The following PTPRO variants were observed in gnomAD, a reference collection of about 807,000 sequenced individuals.
The protein encoded by PTPRO is receptor-type tyrosine-protein phosphatase O.
In PTPRO, 62 loss-of-function variants were observed where a neutral mutation model predicts 145.2. That is an observed-to-expected ratio of 0.43 (90% CI 0.35 to 0.53). The LOEUF (loss-of-function observed/expected upper bound fraction) is 0.53. PTPRO is among the 20% of genes least tolerant of loss of function. PTPRO has a pLI of 0.01. For synonymous variants in PTPRO, 565 were observed against 514.7 expected (o/e 1.10, Z -1.32); for missense variants, 1,345 against 1,482.7 (o/e 0.91, Z 1.53).
At chr12:15,420,524 C>T (rs901100795) in intron 1 of PTPRO, among the ~76,000 whole-genome samples, 3 of 151,710 alleles carry the variant, frequency 2.0e-5, no homozygotes, top group African/African-American at 7.3e-5. Context: ...TCCCGTCTTA[C>T]CACATTTCCT....
chr12:15,452,512 A>G (rs963390313), intron 1 of PTPRO, among the ~76,000 whole-genome samples: 4 of 152,184 alleles, frequency 2.6e-5, no homozygotes, highest in Non-Finnish European at 5.9e-5. Flanking sequence ...GCATCACCCT[A>G]ATACCAAAAC....
chr12:15,407,440 C>T (rs890670960), intron 1 of PTPRO, among the ~76,000 whole-genome samples: 1 of 152,040 alleles, frequency 6.6e-6, no homozygotes, highest in Non-Finnish European at 1.5e-5. Context: ...ATTCTGAAGA[C>T]ACTTCAAAAT....
intron 7 of PTPRO, among the ~76,000 whole-genome samples, chr12:15,512,833 G>C (rs779326039): frequency 3.3e-5 from 5 of 151,716 alleles, no homozygotes; most frequent in Non-Finnish European, 7.4e-5. Flanking sequence ...GTCTCTACTA[G>C]AAACACAAAA....
chr12:15,553,633 T>G (rs1265594498), intron 15 of PTPRO, among the ~76,000 whole-genome samples: 1 of 152,176 alleles, frequency 6.6e-6, no homozygotes, highest in Non-Finnish European at 1.5e-5. Context: ...ACTTTGGCTT[T>G]TACTCAGTAA....
At position 15,418,534 on chromosome 12, in the gene PTPRO, A is replaced by G. The variant is rs924267774; in HGVS notation, c.76-65440A>G. Among the ~76,000 whole-genome samples, 2 of 151,860 alleles carry G rather than the reference A, an allele frequency of 1.3e-5. 1 individual carries two copies. Among genetic ancestry groups the G allele is most frequent in the African/African-American group, 4.9e-5 (2 of 41,076 alleles). On this transcript the variant is annotated intron_variant, in intron 1 of 26. Transcript: ENST00000281171. ...AGAAGAGAACAATCACACAAGAACT[A>G]GAAAAGACAAGGAAGGTTTTATGAG...
At chr12:15,395,046 T>C (rs1024639617) in intron 1 of PTPRO, among the ~76,000 whole-genome samples, 7 of 152,156 alleles carry the variant, frequency 4.6e-5, no homozygotes, top group African/African-American at 1.4e-4. Context: ...GAGAGTAATA[T>C]GCAACAAACC....
intron 8 of PTPRO, 145 bp from the exon 9 acceptor site, chr12:15,516,618 G>GGAGGAAGT (rs1942601996): frequency 1.5e-6 from 1 of 670,818 alleles, no homozygotes; most frequent in African/African-American, 1.9e-5. Flanking sequence ...AGGGAGGAAG[G>GGAGGAAGT]AAGGAAGGAA....
chr12:15,389,845 T>C (rs1023741171), intron 1 of PTPRO, among the ~76,000 whole-genome samples: 2 of 152,254 alleles, frequency 1.3e-5, no homozygotes, highest in Non-Finnish European at 2.9e-5. Context: ...TTGGACTTAT[T>C]TGATCCTTCA....
At chr12:15,408,530 T>C (rs1939707134) in intron 1 of PTPRO, among the ~76,000 whole-genome samples, 1 of 152,076 alleles carries the variant, frequency 6.6e-6, no homozygotes, top group African/African-American at 2.4e-5. Flanking sequence ...TGGGTTCAAG[T>C]CATCCTTCTG....
chr12:15,588,215 C>A (rs924667365), intron 24 of PTPRO, among the ~76,000 whole-genome samples: 1 of 152,178 alleles, frequency 6.6e-6, no homozygotes, highest in African/African-American at 2.4e-5. Context: ...CAGGTGCTCA[C>A]CCAATGGCAG....
chr12:15,588,969 A>C (rs1174020123), intron 24 of PTPRO, among the ~76,000 whole-genome samples: 1 of 152,240 alleles, frequency 6.6e-6, no homozygotes, highest in Non-Finnish European at 1.5e-5. Flanking sequence ...CCACAACTCC[A>C]TACTTAAAAA....
At position 15,499,470 on chromosome 12, in the gene PTPRO, T is replaced by C. The variant is rs1288731962; in HGVS notation, c.537T>C (p.Asn179=). The C allele has an allele frequency of 1.2e-6, 2 of 1,613,658 alleles. No homozygotes were observed. The highest frequency in any genetic ancestry group is 1.7e-6 in the Non-Finnish European group (2 of 1,179,618). Residue 179 remains asparagine (N), a synonymous_variant, in exon 4 of 27, where the codon AAT becomes AAC. Coordinates refer to ENST00000281171, the MANE Select transcript of PTPRO (RefSeq NM_030667.3). ...TCTTTAAGGGAAAAACAGTATTTAA[T>C]CACTGGCTGCCAGGAATGTGTTATA... The part of the protein sequence containing the change: ...KDFFKGKTVF[N]HWLPGMCYSN...
intron 23 of PTPRO, among the ~76,000 whole-genome samples, chr12:15,586,007 A>G (rs1211016505): frequency 6.6e-6 from 1 of 152,220 alleles, no homozygotes; most frequent in African/African-American, 2.4e-5. Flanking sequence ...AATTGCACGG[A>G]GCTGGATGAC....
chr12:15,390,206 AT>A (rs1263904570), intron 1 of PTPRO, among the ~76,000 whole-genome samples: 4 of 152,174 alleles, frequency 2.6e-5, no homozygotes, highest in Admixed American at 6.5e-5. Context: ...TAAGGTTGGA[AT>A]TTAAGTAATG....
intron 22 of PTPRO, 57 bp downstream of exon 22, chr12:15,580,888 C>T (rs959068368): frequency 2.1e-5 from 34 of 1,597,848 alleles, no homozygotes; most frequent in African/African-American, 1.6e-4. Flanking sequence ...TAGCCACTGC[C>T]GTTGATGAAA....
intron 1 of PTPRO, among the ~76,000 whole-genome samples, chr12:15,408,375 C>G (rs1179073445): frequency 6.6e-6 from 1 of 151,978 alleles, no homozygotes; most frequent in Non-Finnish European, 1.5e-5. Flanking sequence ...TTCTTTATGT[C>G]GTGTTGAGAA....
chr12:15,526,094 T>A (rs370668227), intron 11 of PTPRO, 48 bp from the exon 12 acceptor site: 1 of 1,612,700 alleles, frequency 6.2e-7, no homozygotes. Context: ...GGTGGTGCAC[T>A]GATTCATTCA....
intron 1 of PTPRO, among the ~76,000 whole-genome samples, chr12:15,478,765 A>G (rs1339029033): frequency 2.0e-5 from 3 of 151,698 alleles, no homozygotes; most frequent in Non-Finnish European, 4.4e-5. Context: ...TCCACCTCCC[A>G]GGTTCACCCC....
intron 12 of PTPRO, among the ~76,000 whole-genome samples, chr12:15,528,763 A>G (rs1370347590): frequency 2.0e-5 from 3 of 152,124 alleles, no homozygotes; most frequent in Non-Finnish European, 2.9e-5. Flanking sequence ...GACAAAGAGA[A>G]GATCCTGAAA....
Sources: allele counts gnomAD v4.1 joint callset (sites outside exome capture counted in the v4.1 genomes callset), GRCh38; gene constraint gnomAD v4.1.1; transcripts MANE v1.5; gene names NCBI Gene and HGNC (gene_info 2026-07-23, HGNC 2026-07-21).